IQCJ: variants seen among roughly 807,000 people sequenced by gnomAD.
IQCJ encodes IQ motif containing J.
In IQCJ, 9 loss-of-function variants were observed where a neutral mutation model predicts 11.0. The ratio of observed to expected loss-of-function variants is 0.82; its 90% CI spans 0.49 to 1.43. IQCJ has a LOEUF of 1.43. Ranked by LOEUF, IQCJ falls within the 40% of genes most tolerant of loss-of-function variation. The probability of loss-of-function intolerance (pLI) is 0.00; values close to 1 mark genes in which losing one functional copy is unlikely to be tolerated. For missense variants in IQCJ, 146 were observed against 133.2 expected (o/e 1.10, Z -0.47); for synonymous variants, 55 against 51.3 (o/e 1.07, Z -0.31).
At chr3:159,235,855 T>C (rs1197158186) in intron 1 of IQCJ, among the ~76,000 whole-genome samples, 1 of 152,176 alleles carries the variant, frequency 6.6e-6, no homozygotes, top group Non-Finnish European at 1.5e-5. Flanking sequence ...ATTTTCAATT[T>C]TCATAGGCAT....
At chr3:159,074,414 G>A (rs1715781742) in intron 1 of IQCJ, among the ~76,000 whole-genome samples, 1 of 152,096 alleles carries the variant, frequency 6.6e-6, no homozygotes, top group Non-Finnish European at 1.5e-5. Flanking sequence ...CATTTGAATT[G>A]AGTGATGGGA....
chr3:159,072,492 TAC>T (rs913371755), intron 1 of IQCJ, among the ~76,000 whole-genome samples: 1 of 152,086 alleles, frequency 6.6e-6, no homozygotes, highest in Non-Finnish European at 1.5e-5. Context: ...TAAAAAAAAT[TAC>T]AGAGTTGGGC....
At chr3:159,265,927 T>A (rs954497821), downstream of IQCJ, 1 of 152,934 alleles carries the variant, frequency 6.5e-6, no homozygotes, top group Non-Finnish European at 1.5e-5. Context: ...TGCTTTTGCA[T>A]GCTTCTGCTC....
intron 1 of IQCJ, among the ~76,000 whole-genome samples, chr3:159,199,233 T>C (rs1361226281): frequency 6.6e-6 from 1 of 152,158 alleles, no homozygotes; most frequent in Non-Finnish European, 1.5e-5. Context: ...ATTATCTGGG[T>C]TGGCCCTAAA....
At chr3:159,209,275 T>C (rs1724819140) in intron 1 of IQCJ, among the ~76,000 whole-genome samples, 1 of 152,164 alleles carries the variant, frequency 6.6e-6, no homozygotes, top group South Asian at 2.1e-4. Context: ...TAACTTCAGA[T>C]GGCACAACTT....
At position 159,084,964 on chromosome 3, in the gene IQCJ, T is replaced by A. The variant is rs573924814; in HGVS notation, c.9+15523T>A. Among the ~76,000 whole-genome samples the A allele has an allele frequency of 1.7e-3, 260 of 152,014 alleles. 2 individuals carry two copies. Among genetic ancestry groups the A allele is most frequent in the African/African-American group, 6.1e-3 (251 of 41,440 alleles). On this transcript the variant is annotated intron_variant, in intron 1 of 3. Transcript: ENST00000397832. ...TAAGTTTTAGGGTATATGTGTACAATGTGCAGGTTAGTTACATATGTATAC... is the reference window on the plus strand; with the variant it reads ...TAAGTTTTAGGGTATATGTGTACAAAGTGCAGGTTAGTTACATATGTATAC...
At chr3:159,189,330 C>A (rs1723551505) in intron 1 of IQCJ, among the ~76,000 whole-genome samples, 1 of 152,140 alleles carries the variant, frequency 6.6e-6, no homozygotes. Context: ...GACAAGGGGA[C>A]AAGGATTGCT....
intron 1 of IQCJ, among the ~76,000 whole-genome samples, chr3:159,087,041 AT>A (rs1351851380): frequency 6.6e-6 from 1 of 152,144 alleles, no homozygotes; most frequent in East Asian, 1.9e-4. Context: ...TCAGTATGAT[AT>A]TGGCTGTGGG....
intron 1 of IQCJ, among the ~76,000 whole-genome samples, chr3:159,127,368 C>A (rs1236644973): frequency 1.3e-5 from 2 of 152,176 alleles, no homozygotes; most frequent in African/African-American, 4.8e-5. Context: ...GAAACCTAAT[C>A]TTTCTGCCTC....
chr3:159,210,102 T>C (rs1044969090), intron 1 of IQCJ, among the ~76,000 whole-genome samples: 2 of 152,154 alleles, frequency 1.3e-5, no homozygotes, highest in Non-Finnish European at 2.9e-5. Flanking sequence ...TGCCATGATC[T>C]GAAGGAAGCA....
intron 1 of IQCJ, among the ~76,000 whole-genome samples, chr3:159,162,793 A>G (rs1200812325): frequency 6.6e-6 from 1 of 152,186 alleles, no homozygotes; most frequent in African/African-American, 2.4e-5. Flanking sequence ...TACTACAAAC[A>G]CCTCTATGCA....
downstream of IQCJ, among the ~76,000 whole-genome samples, chr3:159,264,052 G>C (rs1728367500): frequency 1.3e-5 from 2 of 152,234 alleles, no homozygotes; most frequent in South Asian, 4.1e-4. Flanking sequence ...AATGCCAATA[G>C]AAAGTGCAAA....
intron 1 of IQCJ, among the ~76,000 whole-genome samples, chr3:159,228,785 A>C (rs1412055459): frequency 1.4e-5 from 2 of 143,338 alleles, no homozygotes; most frequent in Non-Finnish European, 3.0e-5. Context: ...CCTGGGCGAC[A>C]GAGCGAGACT....
intron 1 of IQCJ, among the ~76,000 whole-genome samples, chr3:159,082,536 A>G (rs1014997784): frequency 1.4e-5 from 2 of 143,886 alleles, no homozygotes; most frequent in African/African-American, 5.7e-5. Context: ...GAGGCCCAGG[A>G]AAAAAAAAAT....
At chr3:159,093,312 T>A (rs1001429733) in intron 1 of IQCJ, among the ~76,000 whole-genome samples, 6 of 151,936 alleles carry the variant, frequency 3.9e-5, no homozygotes, top group African/African-American at 1.2e-4. Flanking sequence ...TACCTCAGTT[T>A]CCTAGAGATT....
At chr3:159,186,102 G>A (rs746779144) in intron 1 of IQCJ, among the ~76,000 whole-genome samples, 3 of 152,176 alleles carry the variant, frequency 2.0e-5, no homozygotes, top group Non-Finnish European at 2.9e-5. Flanking sequence ...TAATGGAGAA[G>A]GGGAGAGAGA....
At chr3:159,172,673 C>T (rs1182216493) in intron 1 of IQCJ, among the ~76,000 whole-genome samples, 2 of 149,896 alleles carry the variant, frequency 1.3e-5, no homozygotes, top group East Asian at 4.0e-4. Flanking sequence ...TCTACTATGG[C>T]TCCTGCTCAG....
At chr3:159,129,120 A>T (rs930889312) in intron 1 of IQCJ, among the ~76,000 whole-genome samples, 4 of 152,232 alleles carry the variant, frequency 2.6e-5, no homozygotes, top group African/African-American at 9.6e-5. Context: ...AATAGAGGAG[A>T]AAACAATCAC....
chr3:159,089,989 A>G (rs1717123153), intron 1 of IQCJ, among the ~76,000 whole-genome samples: 2 of 151,662 alleles, frequency 1.3e-5, no homozygotes, highest in African/African-American at 2.4e-5. Context: ...GGAGGAGGAG[A>G]GGTGCTCTGC....
Sources: allele counts gnomAD v4.1 joint callset (sites outside exome capture counted in the v4.1 genomes callset), GRCh38; gene constraint gnomAD v4.1.1; transcripts MANE v1.5; gene names NCBI Gene and HGNC (gene_info 2026-07-23, HGNC 2026-07-21).